CXCR5: variants seen among roughly 807,000 people sequenced by gnomAD.
CXCR5 encodes C-X-C chemokine receptor type 5.
In CXCR5, 3 loss-of-function variants were observed where a neutral mutation model predicts 5.6. The ratio of observed to expected loss-of-function variants is 0.54; its 90% CI spans 0.24 to 1.39. CXCR5 has a LOEUF of 1.39. Ranked by LOEUF, CXCR5 falls within the 40% of genes most tolerant of loss-of-function variation. The pLI, the probability that CXCR5 is intolerant of heterozygous loss-of-function variation, is 0.16. For synonymous variants in CXCR5, 218 were observed against 219.9 expected (o/e 0.99, Z 0.08); for missense variants, 333 against 494.6 (o/e 0.67, Z 3.10).
At chr11:118,884,935 GGA>G (rs1274066912) in intron 1 of CXCR5, among the ~76,000 whole-genome samples, 1 of 152,156 alleles carries the variant, frequency 6.6e-6, no homozygotes, top group Non-Finnish European at 1.5e-5. Flanking sequence ...TTCTCCCCCT[GGA>G]GAGAGGACTT....
intron 1 of CXCR5, chr11:118,887,081 TGAGGGA>T (rs930331104): frequency 4.9e-6 from 1 of 204,962 alleles, no homozygotes; most frequent in Non-Finnish European, 8.6e-6. Flanking sequence ...GGGTCAGAGA[TGAGGGA>T]GAGCCCCAAG....
rs575418128 is a variant in CXCR5, at chr11:118,891,912, A to G, written c.52-1684A>G. ...AAAAAAGTGAAGTTGAAAAAATAAG[A>G]TAAAGACAAAAAGCAGAAGAAAACC... is the stretch of plus-strand genomic sequence containing the variant. On this transcript the variant is annotated intron_variant, in intron 1 of 1. Coordinates refer to ENST00000292174, the MANE Select transcript of CXCR5 (RefSeq NM_001716.5). Among the ~76,000 whole-genome samples the G allele has an allele frequency of 3.2e-4, 49 of 151,682 alleles. No homozygotes were observed. In the East Asian group the frequency reaches 6.4e-3, roughly 20 times the overall value.
rs572994779 is a variant in CXCR5, at chr11:118,897,481, CAT to C, written c.*2819_*2820del. On this transcript the variant is annotated 3_prime_UTR_variant, in exon 2 of 2. Coordinates refer to ENST00000292174, the MANE Select transcript of CXCR5 (RefSeq NM_001716.5). ...GGGCAAACACACATGCACGTGCACA[CAT>C]GTTCTCCCTGAATCACTCAGCAGCA... 335 of 317,982 alleles carry C rather than the reference CAT, an allele frequency of 1.1e-3. No homozygotes were observed. Among genetic ancestry groups the C allele is most frequent in the African/African-American group, 6.3e-3 (285 of 45,038 alleles). 19.7% of individuals were successfully genotyped at this position (317,982 alleles called of 1,614,324 possible). A position where few individuals can be genotyped will look rare whatever the true frequency, so the allele number is the denominator to read the frequency against.
chr11:118,889,678 C>T (rs1565605575), intron 1 of CXCR5, among the ~76,000 whole-genome samples: 1 of 152,148 alleles, frequency 6.6e-6, no homozygotes, highest in Non-Finnish European at 1.5e-5. Flanking sequence ...CTGAGATGTG[C>T]TGTCAATTCC....
intron 1 of CXCR5, among the ~76,000 whole-genome samples, chr11:118,887,968 C>A (rs576994053): frequency 1.3e-5 from 2 of 152,342 alleles, no homozygotes; most frequent in South Asian, 4.1e-4. Flanking sequence ...GCCCTGCCCC[C>A]TCCTTGGGGC....
chr11:118,896,684 G>C lies in CXCR5; in HGVS notation c.*2021G>C, dbSNP rs1451130849. On this transcript the variant is annotated 3_prime_UTR_variant, in exon 2 of 2. Transcript: ENST00000292174. ...GGCCGAGAGGACAGCACCAGGCTGG[G>C]AGAAGTGGGGCGAGTTCCCTTTGTA... The C allele has an allele frequency of 6.5e-6, 1 of 152,910 alleles. No individual in the cohort carries two copies. The highest frequency in any genetic ancestry group is 2.4e-5 in the African/African-American group (1 of 41,476). 9.5% of individuals were successfully genotyped at this position (152,910 alleles called of 1,614,324 possible).
At chr11:118,892,284 G>A (rs1391535601) in intron 1 of CXCR5, among the ~76,000 whole-genome samples, 2 of 152,182 alleles carry the variant, frequency 1.3e-5, no homozygotes, top group Non-Finnish European at 2.9e-5. Flanking sequence ...TTAGGAGTGA[G>A]TGTGTGACCC....
chr11:118,897,659 CT>C lies in CXCR5; in HGVS notation c.*2997del, dbSNP rs1229706081. 2.5e-6 allele frequency: 1 copy of C among 399,426 alleles called. No individual in the cohort carries two copies. The highest frequency in any genetic ancestry group is 4.9e-6 in the Non-Finnish European group (1 of 203,624). The allele number at this position is 399,426 out of a possible 1,614,324, so 24.7% of individuals were successfully genotyped here. ...GGTATCCCTTAGGGACCCAGAGACA[CT>C]GCAAACAGTGGGTGGCCATGTAGGG... On this transcript the variant is annotated 3_prime_UTR_variant, in exon 2 of 2. Transcript: ENST00000292174.
Position 118,883,914 on chromosome 11 carries a change from A to G in CXCR5, c.-28A>G. The G allele has an allele frequency of 6.2e-7, 1 of 1,606,880 alleles. No individual in the cohort carries two copies. Among genetic ancestry groups the G allele is most frequent in the Non-Finnish European group, 8.5e-7 (1 of 1,176,214 alleles). On this transcript the variant is annotated 5_prime_UTR_variant, in exon 1 of 2. Transcript: ENST00000292174. Reference sequence around the variant, plus strand: ...AGCCTCTCAACATAAGACAGTGACCAGTCTGGTGACTCACAGCCGGCACAG... The same window carrying G: ...AGCCTCTCAACATAAGACAGTGACCGGTCTGGTGACTCACAGCCGGCACAG...
chr11:118,894,773 C>A lies in CXCR5; in HGVS notation c.*110C>A. ...AGGGCTCACCGTGGCTAAGAGTGTCCTAGGAGTATCCTCATTTGGGGTAGC... is the reference window on the plus strand; with the variant it reads ...AGGGCTCACCGTGGCTAAGAGTGTCATAGGAGTATCCTCATTTGGGGTAGC... On this transcript the variant is annotated 3_prime_UTR_variant, in exon 2 of 2. Coordinates refer to ENST00000292174, the MANE Select transcript of CXCR5 (RefSeq NM_001716.5). This position sits in a 1 kb window ranked among gnomAD's most constrained non-coding sequence, Gnocchi z 6.1. The A allele has an allele frequency of 9.4e-7, 1 of 1,066,884 alleles. No individual in the cohort carries two copies. The highest frequency in any genetic ancestry group is 1.3e-6 in the Non-Finnish European group (1 of 783,260). 66.1% of individuals were successfully genotyped at this position (1,066,884 alleles called of 1,614,324 possible).
At position 118,893,901 on chromosome 11, in the gene CXCR5, C is replaced by T; in HGVS notation, c.357C>T (p.Thr119=). ...GCTCTGTGGGCTGGGTCCTGGGGAC[C>T]TTCCTCTGCAAAACTGTGATTGCCC... is the stretch of plus-strand genomic sequence containing the variant. ...AEGSVGWVLG[T]FLCKTVIALH... Residue 119 remains threonine (T), a synonymous_variant, in exon 2 of 2, where the codon ACC becomes ACT. Transcript: ENST00000292174. This position sits in a 1 kb window ranked among gnomAD's most constrained non-coding sequence, Gnocchi z 5.7. 1 of 1,614,094 alleles carries T rather than the reference C, an allele frequency of 6.2e-7. No homozygotes were observed. Among genetic ancestry groups the T allele is most frequent in the Admixed American group, 1.7e-5 (1 of 60,016 alleles).
intron 1 of CXCR5, chr11:118,887,363 T>A (rs1939729649): frequency 1.0e-6 from 1 of 985,330 alleles, no homozygotes; most frequent in South Asian, 4.7e-5. Flanking sequence ...GGGAGGCCTG[T>A]CTGCCTGCAT....
At chr11:118,884,814 C>T (rs1565604150) in intron 1 of CXCR5, among the ~76,000 whole-genome samples, 1 of 152,158 alleles carries the variant, frequency 6.6e-6, no homozygotes, top group African/African-American at 2.4e-5. Context: ...ACTGGGCTCC[C>T]AGAAGATGTG....
chr11:118,884,136 G>A lies in CXCR5; in HGVS notation c.51+144G>A, dbSNP rs535243599. ...AATCTAGACAGGTCAGTCAGCTCCC[G>A]CCCTTTAAGAGTTTATTTTCCATTC... is the stretch of plus-strand genomic sequence containing the variant. On this transcript the variant is annotated intron_variant, in intron 1 of 1. Coordinates refer to ENST00000292174, the MANE Select transcript of CXCR5 (RefSeq NM_001716.5). 258 of 787,184 alleles carry A rather than the reference G, an allele frequency of 3.3e-4. No homozygotes were observed. The African/African-American group carries it at 4.0e-3, about 12-fold the overall frequency. The allele number at this position is 787,184 out of a possible 1,614,324, so 48.8% of individuals were successfully genotyped here.
At chr11:118,885,497 G>A (rs543176672) in intron 1 of CXCR5, among the ~76,000 whole-genome samples, 45 of 152,242 alleles carry the variant, frequency 3.0e-4, no homozygotes, top group Admixed American at 5.2e-4. Context: ...AAAAACCCGC[G>A]GCCCCAAAGG....
Position 118,897,299 on chromosome 11 carries a change from T to C in CXCR5, c.*2636T>C. ...GCCCCAGTGGCACCATGCCACCCCT[T>C]CCATGGCTCCACTCAAGGGGGCCAC... On this transcript the variant is annotated 3_prime_UTR_variant, in exon 2 of 2. Transcript: ENST00000292174. 6.0e-6 allele frequency: 1 copy of C among 167,488 alleles called. No homozygotes were observed. Among genetic ancestry groups the C allele is most frequent in the Non-Finnish European group, 1.3e-5 (1 of 76,210 alleles). 10.4% of individuals were successfully genotyped at this position (167,488 alleles called of 1,614,324 possible).
chr11:118,885,994 C>T, intron 1 of CXCR5: 2 of 223,376 alleles, frequency 9.0e-6, no homozygotes, highest in South Asian at 5.2e-5. Context: ...GGCCAATGTC[C>T]CCTCAGAACA....
In CXCR5 at chr11:118,883,913, C is replaced by A. The variant is rs571827890; in HGVS notation, c.-29C>A. 3.2e-4 allele frequency: 511 copies of A among 1,606,616 alleles called. 2 individuals are homozygous for A. In the South Asian group the frequency reaches 5.5e-3, roughly 17 times the overall value. On this transcript the variant is annotated 5_prime_UTR_variant, in exon 1 of 2. Transcript: ENST00000292174. The stretch of plus-strand genomic sequence containing the variant: ...GAGCCTCTCAACATAAGACAGTGAC[C>A]AGTCTGGTGACTCACAGCCGGCACA...
chr11:118,893,489 G>T lies in CXCR5; in HGVS notation c.52-107G>T, dbSNP rs933388534. On this transcript the variant is annotated intron_variant, in intron 1 of 1. Transcript: ENST00000292174. The surrounding 1 kb of genome is among the most constrained non-coding windows in gnomAD (Gnocchi z 5.7). ...ATTGAAATTTGAAACTTGACATTTG[G>T]TCAGTGGGCCCTATGTAGGAAAAAA... The T allele has an allele frequency of 2.8e-5, 41 of 1,470,104 alleles. No individual in the cohort carries two copies. Among genetic ancestry groups the T allele is most frequent in the Non-Finnish European group, 3.2e-5 (35 of 1,108,050 alleles). The allele number at this position is 1,470,104 out of a possible 1,614,324, so 91.1% of individuals were successfully genotyped here.
Sources: gnomAD v4.1 joint callset for allele counts (sites outside exome capture counted in the v4.1 genomes callset) on GRCh38, gnomAD v4.1.1 for gene constraint, Gnocchi (gnomAD v3.1) non-coding constraint, MANE v1.5 for transcripts, NCBI Gene and HGNC (gene_info 2026-07-23, HGNC 2026-07-21) for gene names.